FAM117B: variants seen among roughly 807,000 people sequenced by gnomAD.
FAM117B encodes the protein protein FAM117B.
FAM117B carries 22 observed loss-of-function variants against 52.8 expected under a neutral mutation model. That is an observed-to-expected ratio of 0.42 (90% confidence interval 0.30 to 0.59). The LOEUF (loss-of-function observed/expected upper bound fraction) is 0.59. Among genes scored for constraint, FAM117B ranks in the 20% least tolerant of loss-of-function variants. The pLI is 0.22. For missense variants in FAM117B, 678 were observed against 802.6 expected, an observed-to-expected ratio of 0.84 and a Z score of 1.88; for synonymous variants, 309 against 324.1, an observed-to-expected ratio of 0.95 and a Z score of 0.50.
At position 202,666,923 on chromosome 2, in the gene FAM117B, G is replaced by A. The variant is rs191126595; in HGVS notation, c.602-28958G>A. Among the ~76,000 whole-genome samples the A allele has an allele frequency of 2.1e-3, 324 of 151,920 alleles. 3 individuals are homozygous for A. Among genetic ancestry groups the A allele is most frequent in the African/African-American group, 7.3e-3 (304 of 41,424 alleles). On this transcript the variant is annotated intron_variant, in intron 1 of 7. Coordinates refer to ENST00000392238, the MANE Select transcript of FAM117B (RefSeq NM_173511.4). Reference sequence around the variant, plus strand: ...GCCTCCCAAAGTGCTGGGAGTACAGGTGTGAGCCACCACGCCCGGCCAGTA... The same window carrying A: ...GCCTCCCAAAGTGCTGGGAGTACAGATGTGAGCCACCACGCCCGGCCAGTA...
At chr2:202,720,604 CTTTTT>C (rs200581712) in intron 2 of FAM117B, among the ~76,000 whole-genome samples, 2 of 144,860 alleles carry the variant, frequency 1.4e-5, no homozygotes, top group Admixed American at 6.9e-5. Flanking sequence ...CCCAATATGT[CTTTTT>C]TTTTTTTAAT....
chr2:202,704,555 A>T (rs1477606298), intron 2 of FAM117B, among the ~76,000 whole-genome samples: 1 of 152,150 alleles, frequency 6.6e-6, no homozygotes, highest in Non-Finnish European at 1.5e-5. Context: ...CAGAAAGCTG[A>T]TGTAGACTTT....
Position 202,728,123 on chromosome 2 carries a change from A to G in FAM117B, c.960+1760A>G, listed in dbSNP as rs533929029. Among the ~76,000 whole-genome samples the G allele has an allele frequency of 3.3e-5, 5 of 152,230 alleles. 1 individual carries two copies. Among genetic ancestry groups the G allele is most frequent in the African/African-American group, 1.2e-4 (5 of 41,532 alleles). ...GCCTGCTGAGTAGATGAGACTACAT[A>G]TGTGCACCACCATGCCTGGCTAATA... is the stretch of plus-strand genomic sequence containing the variant. On this transcript the variant is annotated intron_variant, in intron 4 of 7. Transcript: ENST00000392238.
intron 1 of FAM117B, among the ~76,000 whole-genome samples, chr2:202,691,703 G>GCA (rs1392252687): frequency 6.6e-6 from 1 of 150,496 alleles, no homozygotes. Flanking sequence ...GTGTGTGCGC[G>GCA]CGCGCCTCCC....
rs540250176 is a variant in FAM117B, at chr2:202,666,111, A to G, written c.602-29770A>G. On this transcript the variant is annotated intron_variant, in intron 1 of 7. Coordinates refer to ENST00000392238, the MANE Select transcript of FAM117B (RefSeq NM_173511.4). ...CATTCATTCTGCAATTTGTGTCTGC[A>G]TAGTTTGCTTAAATTGGGAATGGTA... Among the ~76,000 whole-genome samples the G allele has an allele frequency of 1.1e-4, 16 of 152,330 alleles. 1 individual carries two copies. In the South Asian group the frequency reaches 3.1e-3, roughly 30 times the overall value.
At chr2:202,716,389 T>C (rs1007829440) in intron 2 of FAM117B, among the ~76,000 whole-genome samples, 3 of 152,234 alleles carry the variant, frequency 2.0e-5, no homozygotes, top group South Asian at 2.1e-4. Context: ...AATGTTGTTA[T>C]TGATGAGTGA....
chr2:202,718,690 AT>A (rs1691100657), intron 2 of FAM117B, among the ~76,000 whole-genome samples: 2 of 152,122 alleles, frequency 1.3e-5, no homozygotes, highest in South Asian at 4.1e-4. Context: ...AATTTTGAAG[AT>A]GTACTCCAGG....
chr2:202,698,802 A>G (rs1321746072), intron 2 of FAM117B, among the ~76,000 whole-genome samples: 1 of 152,192 alleles, frequency 6.6e-6, no homozygotes, highest in Non-Finnish European at 1.5e-5. Context: ...AGCTTAGGGC[A>G]TGTAGTTTGG....
rs760487853 is a variant in FAM117B, at chr2:202,747,828, T to C, written c.961-7710T>C. Among the ~76,000 whole-genome samples the C allele has an allele frequency of 4.6e-5, 7 of 152,222 alleles. No homozygotes were observed. The East Asian group carries it at 1.2e-3, about 25-fold the overall frequency. ...TGAAGAGGACACAAATGGAAAGATA[T>C]CCTATGTTCATAGGAAGAATTCATG... On this transcript the variant is annotated intron_variant, in intron 4 of 7. Coordinates refer to ENST00000392238, the MANE Select transcript of FAM117B (RefSeq NM_173511.4).
At chr2:202,732,775 CGCACCACT>C (rs988326876) in intron 4 of FAM117B, among the ~76,000 whole-genome samples, 7 of 151,436 alleles carry the variant, frequency 4.6e-5, no homozygotes, top group Non-Finnish European at 8.8e-5. Flanking sequence ...GAGCTGAGAT[CGCACCACT>C]GCACTGCAGC....
intron 1 of FAM117B, among the ~76,000 whole-genome samples, chr2:202,646,817 ATT>A (rs1301420592): frequency 6.6e-6 from 1 of 152,046 alleles, no homozygotes; most frequent in Non-Finnish European, 1.5e-5. Context: ...TTCTAAAGAA[ATT>A]CCTGTATGAT....
At chr2:202,714,860 G>C (rs1213672199) in intron 2 of FAM117B, among the ~76,000 whole-genome samples, 1 of 151,790 alleles carries the variant, frequency 6.6e-6, no homozygotes, top group African/African-American at 2.4e-5. Context: ...TAAGGTCATA[G>C]ATCAACAGGA....
intron 4 of FAM117B, among the ~76,000 whole-genome samples, chr2:202,730,996 A>G (rs1011705573): frequency 6.6e-6 from 1 of 152,192 alleles, no homozygotes; most frequent in African/African-American, 2.4e-5. Flanking sequence ...CATATATCTG[A>G]TAAGGCATTT....
chr2:202,755,681 A>G lies in FAM117B; in HGVS notation c.1104A>G (p.Ile368Met), dbSNP rs1691790150. The G allele has an allele frequency of 6.2e-7, 1 of 1,611,942 alleles. No homozygotes were observed. The highest frequency in any genetic ancestry group is 8.5e-7 in the Non-Finnish European group (1 of 1,178,892). ...CTGGGGAAAAGGAAGAGCAACTTAT[A>G]GTAAGTGATCTTGTATCTTAAAATC... ...KETGEKEEQLIPQDIPDGHRA... is the reference protein window; with the variant it reads ...KETGEKEEQLMPQDIPDGHRA... Residue 368 changes from isoleucine to methionine, a missense_variant and splice_region_variant, in exon 5 of 8, where the codon ATA (isoleucine) becomes ATG (methionine). Around this residue, in one of 3 missense-constraint regions of FAM117B, gnomAD observed 583 missense variants for 644.8 expected, o/e 0.90. Transcript: ENST00000392238.
At chr2:202,734,035 A>G (rs1392150504) in intron 4 of FAM117B, among the ~76,000 whole-genome samples, 3 of 152,214 alleles carry the variant, frequency 2.0e-5, no homozygotes, top group Non-Finnish European at 2.9e-5. Context: ...AATCTTCACA[A>G]TTTATGTTCC....
At chr2:202,638,247 T>C (rs922235631) in intron 1 of FAM117B, among the ~76,000 whole-genome samples, 1 of 152,144 alleles carries the variant, frequency 6.6e-6, no homozygotes, top group Non-Finnish European at 1.5e-5. Flanking sequence ...GCCAGCATAG[T>C]GCATCAGGTG....
chr2:202,725,819 AGAT>A (rs1294455881), intron 3 of FAM117B, among the ~76,000 whole-genome samples: 1 of 152,356 alleles, frequency 6.6e-6, no homozygotes, highest in South Asian at 2.1e-4. Flanking sequence ...CGTTATTTAA[AGAT>A]GATATCTGTG....
chr2:202,731,275 A>G (rs1273372083), intron 4 of FAM117B, among the ~76,000 whole-genome samples: 2 of 144,558 alleles, frequency 1.4e-5, no homozygotes, highest in East Asian at 2.1e-4. Context: ...TATGCATTAG[A>G]ATGCTGTAAT....
In FAM117B at chr2:202,766,046, A is replaced by T; in HGVS notation, c.*282A>T. 3.0e-6 allele frequency: 1 copy of T among 333,142 alleles called. No individual in the cohort carries two copies. The highest frequency in any genetic ancestry group is 5.6e-6 in the Non-Finnish European group (1 of 178,844). 20.6% of individuals were successfully genotyped at this position (333,142 alleles called of 1,614,324 possible). On this transcript the variant is annotated 3_prime_UTR_variant, in exon 8 of 8. Coordinates refer to ENST00000392238, the MANE Select transcript of FAM117B (RefSeq NM_173511.4). Reference sequence around the variant, plus strand: ...GACAATATCACGTTTTTGTTTTCGAATTAGACTTCTTTAAAACACACACAC... The same window carrying T: ...GACAATATCACGTTTTTGTTTTCGATTTAGACTTCTTTAAAACACACACAC...
Sources: gnomAD v4.1 joint callset for allele counts (sites outside exome capture counted in the v4.1 genomes callset) on GRCh38, gnomAD v4.1.1 for gene constraint, gnomAD v4.1.1 regional missense constraint, MANE v1.5 for transcripts, NCBI Gene and HGNC (gene_info 2026-07-23, HGNC 2026-07-21) for gene names.